ERICH3: variants seen among roughly 807,000 people sequenced by gnomAD.
ERICH3 encodes glutamate-rich protein 3.
Under a neutral mutation model 131.1 loss-of-function variants are expected in ERICH3, and 126 were observed. That is an observed-to-expected ratio of 0.96 (90% CI 0.83 to 1.11). The LOEUF is 1.11. ERICH3 is among the 50% of genes most tolerant of loss of function. The probability of loss-of-function intolerance (pLI) is 0.00; values close to 1 mark genes in which losing one functional copy is unlikely to be tolerated. For missense variants in ERICH3, 2,050 were observed against 1,810.7 expected (o/e 1.13, Z -2.40); for synonymous variants, 695 against 644.6 (o/e 1.08, Z -1.18).
chr1:74,668,625 T>G (rs1251447668), intron 1 of ERICH3, among the ~76,000 whole-genome samples: 1 of 152,180 alleles, frequency 6.6e-6, no homozygotes, highest in Non-Finnish European at 1.5e-5. Flanking sequence ...ACAAACCCCT[T>G]TCCATTCCCA....
At position 74,643,118 on chromosome 1, in the gene ERICH3, TA is replaced by T. The variant is rs1329512662; in HGVS notation, c.244-21del. On this transcript the variant is annotated intron_variant, in intron 3 of 14. Transcript: ENST00000326665. ...GTAACGCTAAGCATACAGGAAAGAA[TA>T]AAGGAGAGAATCATATCAGTTATAG... 1 of 1,584,398 alleles carries T rather than the reference TA, an allele frequency of 6.3e-7. No individual in the cohort carries two copies. Among genetic ancestry groups the T allele is most frequent in the East Asian group, 2.2e-5 (1 of 44,566 alleles).
At position 74,673,502 on chromosome 1, in the gene ERICH3, G is replaced by C; in HGVS notation, c.18C>G (p.Pro6=). The change falls in exon 1 of 15, where the codon CCC becomes CCG. Residue 6 remains proline, a synonymous_variant. Coordinates refer to ENST00000326665, the MANE Select transcript of ERICH3 (RefSeq NM_001002912.5). ...AAGCTCCAGTTGTCACTTACCCAGC[G>C]GGGTGAGAATGGCTCATTTTTGCAG... MSHSH[P]AGLLAAYNSL... The C allele has an allele frequency of 3.1e-6, 5 of 1,612,984 alleles. No individual in the cohort carries two copies.
chr1:74,599,475 C>A (rs1334435020), intron 11 of ERICH3, among the ~76,000 whole-genome samples: 1 of 151,728 alleles, frequency 6.6e-6, no homozygotes, highest in East Asian at 1.9e-4. Flanking sequence ...AAATAATGTG[C>A]TAGGTTTAAT....
chr1:74,598,495 C>A (rs1254416622), intron 11 of ERICH3, among the ~76,000 whole-genome samples: 2 of 151,064 alleles, frequency 1.3e-5, no homozygotes, highest in African/African-American at 4.9e-5. Context: ...TCTGAATGAC[C>A]AAATATTAAT....
chr1:74,653,700 T>C (rs1646558418), intron 1 of ERICH3, among the ~76,000 whole-genome samples: 1 of 152,160 alleles, frequency 6.6e-6, no homozygotes, highest in African/African-American at 2.4e-5. Flanking sequence ...AACAAGATTA[T>C]TGCTTAATGT....
chr1:74,593,945 C>T (rs972904542), intron 11 of ERICH3, among the ~76,000 whole-genome samples: 1 of 152,100 alleles, frequency 6.6e-6, no homozygotes, highest in Non-Finnish European at 1.5e-5. Context: ...CTCCTCTTAG[C>T]TGACTTTTCA....
intron 14 of ERICH3, 143 bp downstream of exon 14, chr1:74,570,956 G>A (rs572760141): frequency 1.7e-6 from 2 of 1,152,410 alleles, no homozygotes; most frequent in South Asian, 3.3e-5. Context: ...TTCCTGACAG[G>A]CTTAGGGCTA....
At position 74,569,596 on chromosome 1, in the gene ERICH3, A is replaced by G. The variant is rs1646912735; in HGVS notation, c.*862T>C. ...TCTTTTCCATTTAATGACATCAACT[A>G]AAGAGTCTAGAATGTTGGCATAATG... On this transcript the variant is annotated 3_prime_UTR_variant, in exon 15 of 15. Coordinates refer to ENST00000326665, the MANE Select transcript of ERICH3 (RefSeq NM_001002912.5). The G allele has an allele frequency of 6.6e-6, 1 of 152,208 alleles. No individual in the cohort carries two copies. The highest frequency in any genetic ancestry group is 1.9e-4 in the East Asian group (1 of 5,194). 9.4% of individuals were successfully genotyped at this position (152,208 alleles called of 1,614,324 possible). A position where few individuals can be genotyped will look rare whatever the true frequency, so the allele number is the denominator to read the frequency against.
intron 1 of ERICH3, among the ~76,000 whole-genome samples, chr1:74,651,171 C>G (rs1204883002): frequency 6.6e-6 from 1 of 152,094 alleles, no homozygotes; most frequent in Non-Finnish European, 1.5e-5. Flanking sequence ...ACAGTTTGTA[C>G]TCCTTAATTA....
At chr1:74,599,592 C>G in intron 11 of ERICH3, 103 bp downstream of exon 11, 2 of 1,009,778 alleles carry the variant, frequency 2.0e-6, no homozygotes, top group Non-Finnish European at 2.9e-6. Flanking sequence ...AACATACATT[C>G]AAGAGAAAAA....
chr1:74,580,077 A>T (rs1425329477), intron 12 of ERICH3, among the ~76,000 whole-genome samples: 1 of 152,088 alleles, frequency 6.6e-6, no homozygotes, highest in Non-Finnish European at 1.5e-5. Context: ...TAGATAGATT[A>T]TCCAAAGCTT....
chr1:74,579,999 T>A, intron 12 of ERICH3: 1 of 615,218 alleles, frequency 1.6e-6, no homozygotes, highest in Non-Finnish European at 2.0e-6. Context: ...ATGTCAGCTT[T>A]TTAGTATAAA....
intron 10 of ERICH3, among the ~76,000 whole-genome samples, chr1:74,605,044 C>T (rs552224823): frequency 6.6e-6 from 1 of 152,104 alleles, no homozygotes; most frequent in African/African-American, 2.4e-5. Flanking sequence ...AATGTAGCTA[C>T]ATTTATAAAT....
chr1:74,579,955 A>AT (rs1306140505), intron 12 of ERICH3: 6 of 867,102 alleles, frequency 6.9e-6, no homozygotes, highest in Middle Eastern at 5.8e-4. Flanking sequence ...ACTTTAAGGT[A>AT]TTTTTTTAAA....
At chr1:74,605,703 T>C (rs966580708) in intron 10 of ERICH3, among the ~76,000 whole-genome samples, 1 of 151,616 alleles carries the variant, frequency 6.6e-6, no homozygotes, top group African/African-American at 2.4e-5. Flanking sequence ...CTTTCTTACA[T>C]GGTACAGCTC....
In ERICH3 at chr1:74,589,928, C is replaced by G; in HGVS notation, c.1879G>C (p.Asp627His). The G allele has an allele frequency of 6.2e-7, 1 of 1,614,036 alleles. No individual in the cohort carries two copies. The highest frequency in any genetic ancestry group is 8.5e-7 in the Non-Finnish European group (1 of 1,179,960). Residue 627 changes from aspartate (D) to histidine (H), a missense_variant, in exon 12 of 15, where the codon GAT becomes CAT. Asp to His is a moderately conservative substitution (Grantham distance 81). Transcript: ENST00000326665. ...GGAAGGTGAGACTTTCTTGGCTTAT[C>G]ATTTTCACTCAGTTCCTGAGAAGAT... ...RSSSQELSEN[D>H]KPRKSHLPIE... is the part of the protein sequence containing the mutation.
chr1:74,657,771 C>T (rs1040051604), intron 1 of ERICH3, among the ~76,000 whole-genome samples: 2 of 152,090 alleles, frequency 1.3e-5, no homozygotes, highest in Non-Finnish European at 2.9e-5. Context: ...GCCGGAGACA[C>T]ACTAAGTTTG....
rs560871544 is a variant in ERICH3 at position 74,590,186 on chromosome 1, T to A, written c.1727-106A>T. 6.4e-5 allele frequency: 62 copies of A among 973,412 alleles called. 1 individual carries two copies. The South Asian group carries it at 1.1e-3, about 17-fold the overall frequency. The allele number at this position is 973,412 out of a possible 1,614,324, so 60.3% of individuals were successfully genotyped here. Reference sequence around the variant, plus strand: ...TAATACTAAAAATTTTAAAACATAGTTTAATATAGACCTGATATCCTTTTC... The same window carrying A: ...TAATACTAAAAATTTTAAAACATAGATTAATATAGACCTGATATCCTTTTC... On this transcript the variant is annotated intron_variant, in intron 11 of 14. Coordinates refer to ENST00000326665, the MANE Select transcript of ERICH3 (RefSeq NM_001002912.5).
chr1:74,653,613 T>G (rs1380372484), intron 1 of ERICH3, among the ~76,000 whole-genome samples: 1 of 152,186 alleles, frequency 6.6e-6, no homozygotes, highest in Admixed American at 6.5e-5. Context: ...TCTCATCTAG[T>G]TGTTTTAGAC....
Sources: gnomAD v4.1 joint callset for allele counts (sites outside exome capture counted in the v4.1 genomes callset) on GRCh38, gnomAD v4.1.1 for gene constraint, MANE v1.5 for transcripts, NCBI Gene and HGNC (gene_info 2026-07-23, HGNC 2026-07-21) for gene names.